GRID1: variants seen among roughly 807,000 people sequenced by gnomAD.
GRID1 encodes glutamate ionotropic receptor delta type subunit 1.
Under a neutral mutation model 98.0 loss-of-function variants are expected in GRID1, and 28 were observed. The ratio of observed to expected loss-of-function variants is 0.29; its 90% CI spans 0.21 to 0.39. GRID1 has a LOEUF of 0.39. Among genes scored for constraint, GRID1 ranks in the 10% least tolerant of loss-of-function variants. The pLI, the probability that GRID1 is intolerant of heterozygous loss-of-function variation, is 1.00. For synonymous variants in GRID1, 553 were observed against 538.5 expected (o/e 1.03, Z -0.37); for missense variants, 1,111 against 1,340.5 (o/e 0.83, Z 2.67).
chr10:86,107,348 G>A (rs1012240259), intron 4 of GRID1, among the ~76,000 whole-genome samples: 1 of 152,246 alleles, frequency 6.6e-6, no homozygotes, highest in African/African-American at 2.4e-5. Flanking sequence ...GCACAGCCAT[G>A]AGGACCGTGA....
chr10:85,894,327 T>A (rs999150461), intron 5 of GRID1, among the ~76,000 whole-genome samples: 1 of 152,162 alleles, frequency 6.6e-6, no homozygotes, highest in Non-Finnish European at 1.5e-5. Context: ...ACCGCCAATA[T>A]ACACAACAAC....
intron 8 of GRID1, among the ~76,000 whole-genome samples, chr10:85,778,629 G>C (rs1379691161): frequency 6.6e-6 from 1 of 152,182 alleles, no homozygotes; most frequent in African/African-American, 2.4e-5. Context: ...CTGTGCTGAT[G>C]ATTTGTATTT....
chr10:86,053,514 A>G (rs1843531205), intron 4 of GRID1, among the ~76,000 whole-genome samples: 1 of 151,786 alleles, frequency 6.6e-6, no homozygotes, highest in African/African-American at 2.4e-5. Flanking sequence ...ATGCGCCACC[A>G]TGCCTGGCTA....
In GRID1 at chr10:86,068,343, G is replaced by A. The variant is rs1279393804; in HGVS notation, c.726+70476C>T. Among the ~76,000 whole-genome samples the A allele has an allele frequency of 2.0e-5, 3 of 152,230 alleles. No homozygotes were observed. The East Asian group carries it at 5.8e-4, about 29-fold the overall frequency. ...AGAATGGAGCTCTAAAAAAAGATCT[G>A]AAAATATATACCAGACTGAAAGCTG... is the stretch of plus-strand genomic sequence containing the variant. On this transcript the variant is annotated intron_variant, in intron 4 of 15. Transcript: ENST00000327946.
chr10:85,804,238 A>T (rs1000706859), intron 8 of GRID1, among the ~76,000 whole-genome samples: 12 of 151,900 alleles, frequency 7.9e-5, no homozygotes, highest in African/African-American at 2.9e-4. Context: ...AAATGATAAT[A>T]AAAGACTGCT....
chr10:85,908,326 G>C lies in GRID1; in HGVS notation c.780+7860C>G, dbSNP rs776030351. On this transcript the variant is annotated intron_variant, in intron 5 of 15. Transcript: ENST00000327946. ...TGAAAAACTCCACTAGTTTTGGTAA[G>C]TGGGTTTAGCAAAGTTCTAGGATAC... 3.7e-4 allele frequency among the ~76,000 whole-genome samples: 57 copies of C among 152,288 alleles called. 1 individual carries two copies. The highest frequency in any genetic ancestry group is 1.9e-4 in the East Asian group (1 of 5,188).
chr10:85,687,038 T>A (rs1307626279), intron 12 of GRID1, among the ~76,000 whole-genome samples: 1 of 152,196 alleles, frequency 6.6e-6, no homozygotes, highest in African/African-American at 2.4e-5. Flanking sequence ...TTTATGTGTA[T>A]AATAATCTTA....
intron 2 of GRID1, among the ~76,000 whole-genome samples, chr10:86,353,324 G>A (rs1055144989): frequency 9.2e-5 from 14 of 152,234 alleles, no homozygotes; most frequent in South Asian, 4.1e-4. Flanking sequence ...GGGGGCCAGC[G>A]GAGCTCTGAG....
intron 4 of GRID1, among the ~76,000 whole-genome samples, chr10:85,974,848 C>T (rs572766056): frequency 6.6e-6 from 1 of 152,330 alleles, no homozygotes; most frequent in African/African-American, 2.4e-5. Flanking sequence ...TGTTCTCAAA[C>T]TCCTGGCCCC....
At chr10:85,858,296 A>T (rs965917196) in intron 6 of GRID1, among the ~76,000 whole-genome samples, 1 of 152,144 alleles carries the variant, frequency 6.6e-6, no homozygotes, top group Non-Finnish European at 1.5e-5. Flanking sequence ...GAGGGGGAGT[A>T]GAAGGTCAGT....
chr10:85,928,474 C>A (rs146459734), intron 4 of GRID1, among the ~76,000 whole-genome samples: 178 of 152,344 alleles, frequency 1.2e-3, no homozygotes, highest in African/African-American at 4.0e-3. Flanking sequence ...CACTGGCAGG[C>A]TTGGCCTGCA....
At chr10:86,173,279 T>A (rs1589397410) in intron 3 of GRID1, among the ~76,000 whole-genome samples, 1 of 152,192 alleles carries the variant, frequency 6.6e-6, no homozygotes, top group Admixed American at 6.5e-5. Context: ...CCTCAAGTGA[T>A]CCTCCTGCCT....
chr10:85,653,475 C>A (rs897926456), intron 12 of GRID1, among the ~76,000 whole-genome samples: 3 of 152,104 alleles, frequency 2.0e-5, no homozygotes, highest in Non-Finnish European at 4.4e-5. Context: ...ACAGGGTGGC[C>A]AAGGAGCCAG....
intron 2 of GRID1, among the ~76,000 whole-genome samples, chr10:86,231,115 C>T (rs1346159224): frequency 6.6e-6 from 1 of 152,198 alleles, no homozygotes; most frequent in African/African-American, 2.4e-5. Context: ...AACTGCCTGC[C>T]CAGCTAGGCT....
intron 3 of GRID1, among the ~76,000 whole-genome samples, chr10:86,170,932 C>G (rs1845476560): frequency 6.6e-6 from 1 of 152,052 alleles, no homozygotes. Flanking sequence ...CGTTTACCCC[C>G]CACGCTTCCT....
At chr10:85,793,676 A>T (rs1464387765) in intron 8 of GRID1, among the ~76,000 whole-genome samples, 1 of 152,212 alleles carries the variant, frequency 6.6e-6, no homozygotes, top group Non-Finnish European at 1.5e-5. Flanking sequence ...GCACATACAA[A>T]ATACTCCACA....
intron 12 of GRID1, among the ~76,000 whole-genome samples, chr10:85,711,792 A>G (rs1841584646): frequency 6.6e-6 from 1 of 151,790 alleles, no homozygotes; most frequent in Non-Finnish European, 1.5e-5. Flanking sequence ...GAATCAATTA[A>G]AAGTATTAAA....
chr10:85,889,544 C>T (rs1474608431), intron 5 of GRID1, among the ~76,000 whole-genome samples: 3 of 152,094 alleles, frequency 2.0e-5, no homozygotes, highest in Admixed American at 1.3e-4. Context: ...ATAGTATTCT[C>T]TTTTGGTTTT....
At chr10:85,653,996 C>G (rs569720252) in intron 12 of GRID1, among the ~76,000 whole-genome samples, 45 of 152,330 alleles carry the variant, frequency 3.0e-4, no homozygotes, top group African/African-American at 1.1e-3. Context: ...TCCTTTGTAT[C>G]CAAAGCCTAG....
Sources: gnomAD v4.1 joint callset for allele counts (sites outside exome capture counted in the v4.1 genomes callset) on GRCh38, gnomAD v4.1.1 for gene constraint, MANE v1.5 for transcripts, NCBI Gene and HGNC (gene_info 2026-07-23, HGNC 2026-07-21) for gene names.